Variants in TNFAIP8 observed in about 807,000 individuals in gnomAD.
The protein encoded by TNFAIP8 is tumor necrosis factor alpha-induced protein 8.
TNFAIP8 carries 7 observed loss-of-function variants against 13.3 expected under a neutral mutation model. The observed-to-expected ratio is 0.52, with a 90% CI of 0.30 to 0.99. TNFAIP8 has a LOEUF of 0.99. Ranked by LOEUF, TNFAIP8 falls within the 50% of genes least tolerant of loss-of-function variation. The pLI, the probability that TNFAIP8 is intolerant of heterozygous loss-of-function variation, is 0.07. For missense variants in TNFAIP8, 258 were observed against 236.9 expected (o/e 1.09, Z -0.58); for synonymous variants, 94 against 87.6 (o/e 1.07, Z -0.41).
At chr5:119,371,965 G>T (rs1051422912) in intron 1 of TNFAIP8, among the ~76,000 whole-genome samples, 1 of 151,852 alleles carries the variant, frequency 6.6e-6, no homozygotes, top group African/African-American at 2.4e-5. Context: ...GTGAAACCCC[G>T]TCTCTGCTAA....
At chr5:119,326,489 G>C (rs972999280) in intron 1 of TNFAIP8, among the ~76,000 whole-genome samples, 1 of 152,186 alleles carries the variant, frequency 6.6e-6, no homozygotes, top group Non-Finnish European at 1.5e-5. Flanking sequence ...GGCAGGACTG[G>C]GGACTGCTTT....
chr5:119,330,080 C>G (rs548770512), intron 1 of TNFAIP8, among the ~76,000 whole-genome samples: 15 of 152,088 alleles, frequency 9.9e-5, no homozygotes, highest in African/African-American at 3.6e-4. Flanking sequence ...GAGGGGGAAG[C>G]TATAATTAGC....
chr5:119,287,782 T>C (rs1472617308), intron 1 of TNFAIP8, among the ~76,000 whole-genome samples: 2 of 152,234 alleles, frequency 1.3e-5, no homozygotes, highest in African/African-American at 2.4e-5. Flanking sequence ...AGGGATTATT[T>C]TAGTTTCAAC....
chr5:119,393,586 C>A lies in TNFAIP8; in HGVS notation c.*205C>A. Reference sequence around the variant, plus strand: ...TGCCAAAAATTCTGGTTAAAAGCTTCCTAACGGGTAACAGACCATGGGAGA... The same window carrying A: ...TGCCAAAAATTCTGGTTAAAAGCTTACTAACGGGTAACAGACCATGGGAGA... On this transcript the variant is annotated 3_prime_UTR_variant, in exon 2 of 2. Transcript: ENST00000504771. The A allele has an allele frequency of 1.7e-6, 1 of 575,194 alleles. No homozygotes were observed. The highest frequency in any genetic ancestry group is 3.0e-6 in the Non-Finnish European group (1 of 332,108). 35.6% of individuals were successfully genotyped at this position (575,194 alleles called of 1,614,324 possible). A position where few individuals can be genotyped will look rare whatever the true frequency, so the allele number is the denominator to read the frequency against.
rs1753002161 is a variant in TNFAIP8, at chr5:119,394,015, A to G, written c.*634A>G. On this transcript the variant is annotated 3_prime_UTR_variant, in exon 2 of 2. Coordinates refer to ENST00000504771, the MANE Select transcript of TNFAIP8 (RefSeq NM_014350.4). ...GTCCAGTATAAGAATATGCTTCTGG[A>G]ATTGAGTTCTCCTTTTAAGTACCAA... The G allele has an allele frequency of 6.6e-6, 1 of 152,218 alleles. No individual in the cohort carries two copies. The highest frequency in any genetic ancestry group is 2.4e-5 in the African/African-American group (1 of 41,450). 9.4% of individuals were successfully genotyped at this position (152,218 alleles called of 1,614,324 possible).
At chr5:119,377,599 A>T (rs559687956) in intron 1 of TNFAIP8, among the ~76,000 whole-genome samples, 1 of 152,238 alleles carries the variant, frequency 6.6e-6, no homozygotes, top group East Asian at 1.9e-4. Context: ...GACACATTCT[A>T]TAGAAATAAG....
intron 1 of TNFAIP8, among the ~76,000 whole-genome samples, chr5:119,292,685 T>TATATATACACACAC (rs1470227218): frequency 1.9e-5 from 1 of 52,320 alleles, no homozygotes; most frequent in South Asian, 8.9e-4. Flanking sequence ...TATATATATA[T>TATATATACACACAC]ACACACACAC....
At chr5:119,287,302 CT>C (rs1748830156) in intron 1 of TNFAIP8, among the ~76,000 whole-genome samples, 1 of 41,586 alleles carries the variant, frequency 2.4e-5, no homozygotes, top group African/African-American at 8.6e-5. Context: ...TTTTTTTTTG[CT>C]TTTTTTCCCC....
chr5:119,359,294 C>G (rs1323259431), intron 1 of TNFAIP8, among the ~76,000 whole-genome samples: 1 of 152,146 alleles, frequency 6.6e-6, no homozygotes, highest in East Asian at 1.9e-4. Context: ...TCCACCTGAC[C>G]TCCTTTTCTT....
intron 1 of TNFAIP8, among the ~76,000 whole-genome samples, chr5:119,296,418 T>C: frequency 6.6e-6 from 1 of 152,120 alleles, no homozygotes; most frequent in Non-Finnish European, 1.5e-5. Flanking sequence ...GTTTATATGC[T>C]GGATTACATT....
At position 119,377,360 on chromosome 5, in the gene TNFAIP8, G is replaced by C. The variant is rs191057511; in HGVS notation, c.32-15456G>C. On this transcript the variant is annotated intron_variant, in intron 1 of 1. Coordinates refer to ENST00000504771, the MANE Select transcript of TNFAIP8 (RefSeq NM_014350.4). ...CAGAGTGACATTGCACTCCAGCCTG[G>C]GCAACAGAGTGAGACCCTGTCTCAA... Among the ~76,000 whole-genome samples, 11 of 152,074 alleles carry C rather than the reference G, an allele frequency of 7.2e-5. No individual in the cohort carries two copies. In the East Asian group the frequency reaches 1.9e-3, roughly 27 times the overall value.
At chr5:119,274,879 T>G (rs1426152803) in intron 1 of TNFAIP8, among the ~76,000 whole-genome samples, 1 of 152,196 alleles carries the variant, frequency 6.6e-6, no homozygotes, top group Non-Finnish European at 1.5e-5. Context: ...ACCTGACTGT[T>G]AAGTCAGAAT....
intron 1 of TNFAIP8, among the ~76,000 whole-genome samples, chr5:119,298,301 G>A (rs1385917737): frequency 6.6e-6 from 1 of 151,924 alleles, no homozygotes; most frequent in South Asian, 2.1e-4. Context: ...GGGCAGGCCT[G>A]GTGGTGACAA....
At chr5:119,290,964 T>G (rs192847033) in intron 1 of TNFAIP8, among the ~76,000 whole-genome samples, 120 of 152,260 alleles carry the variant, frequency 7.9e-4, no homozygotes, top group African/African-American at 2.8e-3. Flanking sequence ...GTTTGGACTT[T>G]CTTTGATTAT....
At chr5:119,391,315 T>G (rs1562037052) in intron 1 of TNFAIP8, 1 of 698,294 alleles carries the variant, frequency 1.4e-6, no homozygotes, top group Admixed American at 2.0e-5. Context: ...GTATCTGTAT[T>G]TTTAAACTTT....
chr5:119,390,970 C>T (rs1222121771), intron 1 of TNFAIP8, among the ~76,000 whole-genome samples: 1 of 150,380 alleles, frequency 6.6e-6, no homozygotes. Context: ...AGGTGCATGC[C>T]ACCACACCTG....
chr5:119,380,797 G>A (rs1391939516), intron 1 of TNFAIP8, among the ~76,000 whole-genome samples: 1 of 152,024 alleles, frequency 6.6e-6, no homozygotes, highest in Non-Finnish European at 1.5e-5. Flanking sequence ...TCTAGAATGG[G>A]CTAACTTTTC....
At chr5:119,354,585 A>C (rs1464536090), upstream of TNFAIP8, 2 of 152,276 alleles carry the variant, frequency 1.3e-5, no homozygotes, top group African/African-American at 4.8e-5. Context: ...CAATGGTAAT[A>C]ATCTATGTAG....
At chr5:119,291,492 T>G (rs2150810982) in intron 1 of TNFAIP8, among the ~76,000 whole-genome samples, 1 of 152,368 alleles carries the variant, frequency 6.6e-6, no homozygotes, top group Middle Eastern at 3.4e-3. Flanking sequence ...TTAGGAAATT[T>G]GGAATAATAA....
Sources: gnomAD v4.1 joint callset for allele counts (sites outside exome capture counted in the v4.1 genomes callset) on GRCh38, gnomAD v4.1.1 for gene constraint, MANE v1.5 for transcripts, NCBI Gene and HGNC (gene_info 2026-07-23, HGNC 2026-07-21) for gene names.